IQCM: variants seen among roughly 807,000 people sequenced by gnomAD.
The protein encoded by IQCM is IQ motif containing M.
In IQCM, 45 loss-of-function variants were observed where a neutral mutation model predicts 57.6. The ratio of observed to expected loss-of-function variants is 0.78; its 90% CI spans 0.62 to 1.00. The LOEUF (loss-of-function observed/expected upper bound fraction) is 1.00. Among genes scored for constraint, IQCM ranks in the 50% least tolerant of loss-of-function variants. The pLI, the probability that IQCM is intolerant of heterozygous loss-of-function variation, is 0.00. For synonymous variants in IQCM, 148 were observed against 158.9 expected (o/e 0.93, Z 0.51); for missense variants, 468 against 511.6 (o/e 0.91, Z 0.82).
At chr4:149,552,158 T>A (rs1472782481) in intron 11 of IQCM, among the ~76,000 whole-genome samples, 2 of 152,178 alleles carry the variant, frequency 1.3e-5, no homozygotes, top group Non-Finnish European at 2.9e-5. Flanking sequence ...TAGCACATAA[T>A]TTTATCATAA....
At chr4:149,364,534 GGT>G (rs1729704818) in intron 13 of IQCM, among the ~76,000 whole-genome samples, 1 of 152,070 alleles carries the variant, frequency 6.6e-6, no homozygotes, top group African/African-American at 2.4e-5. Context: ...CTAAGGTCCA[GGT>G]GGCATGATTT....
intron 2 of IQCM, among the ~76,000 whole-genome samples, chr4:149,761,448 TATTG>T (rs1322831551): frequency 2.6e-5 from 4 of 152,102 alleles, no homozygotes; most frequent in Non-Finnish European, 2.9e-5. Context: ...CTTTCTCCAA[TATTG>T]ATTTTCTTTA....
At chr4:149,474,039 G>A (rs567003625) in intron 12 of IQCM, among the ~76,000 whole-genome samples, 10 of 152,008 alleles carry the variant, frequency 6.6e-5, no homozygotes, top group African/African-American at 2.2e-4. Flanking sequence ...ACAAGTTAAC[G>A]GGTGCAGCAC....
chr4:149,575,306 A>G (rs1409499191), intron 9 of IQCM, among the ~76,000 whole-genome samples: 1 of 151,820 alleles, frequency 6.6e-6, no homozygotes, highest in East Asian at 1.9e-4. Flanking sequence ...TTTTAAGGGG[A>G]GGGATGTAAT....
chr4:149,602,019 G>A (rs1273092038), intron 8 of IQCM, among the ~76,000 whole-genome samples: 5 of 135,076 alleles, frequency 3.7e-5, no homozygotes, highest in East Asian at 4.3e-4. Context: ...GTGCCACTGC[G>A]CTCCAGCCTG....
chr4:149,561,811 C>G lies in IQCM; in HGVS notation c.948+1881G>C, dbSNP rs17026310. Reference sequence around the variant, plus strand: ...GTCATATAAACCATACTGTCCATATCAAACATGTAAACAGATGACAACAAT... The same window carrying G: ...GTCATATAAACCATACTGTCCATATGAAACATGTAAACAGATGACAACAAT... On this transcript the variant is annotated intron_variant, in intron 10 of 13. Coordinates refer to ENST00000636793, the MANE Select transcript of IQCM (RefSeq NM_001363507.2). 8.7e-3 allele frequency among the ~76,000 whole-genome samples: 1,329 copies of G among 152,156 alleles called. 12 individuals carry two copies. The highest frequency in any genetic ancestry group is 0.03 in the African/African-American group (1,257 of 41,506).
chr4:149,730,413 T>A (rs1160005630), intron 5 of IQCM, among the ~76,000 whole-genome samples: 1 of 152,212 alleles, frequency 6.6e-6, no homozygotes, highest in Non-Finnish European at 1.5e-5. Flanking sequence ...ATATTATCAC[T>A]GCAACTTCTC....
chr4:149,760,554 G>A (rs1344009096), intron 2 of IQCM, among the ~76,000 whole-genome samples: 1 of 151,782 alleles, frequency 6.6e-6, no homozygotes, highest in South Asian at 2.1e-4. Context: ...ACTCACTAAG[G>A]GTCTGGTTTC....
At chr4:149,594,286 A>G (rs1209000603) in intron 8 of IQCM, among the ~76,000 whole-genome samples, 1 of 151,980 alleles carries the variant, frequency 6.6e-6, no homozygotes, top group Non-Finnish European at 1.5e-5. Flanking sequence ...CTGTATTTCT[A>G]TGGGATCAGT....
At chr4:149,645,209 A>G (rs1393729061) in intron 7 of IQCM, among the ~76,000 whole-genome samples, 1 of 152,124 alleles carries the variant, frequency 6.6e-6, no homozygotes, top group Non-Finnish European at 1.5e-5. Context: ...GGTTATATGT[A>G]TTACAATTTT....
At chr4:149,353,546 T>C (rs765363407) in intron 13 of IQCM, among the ~76,000 whole-genome samples, 9 of 152,170 alleles carry the variant, frequency 5.9e-5, no homozygotes, top group East Asian at 1.9e-4. Context: ...ATATATTTCA[T>C]TGGACAAATA....
chr4:149,523,134 A>G (rs966433315), intron 12 of IQCM, among the ~76,000 whole-genome samples: 1 of 152,150 alleles, frequency 6.6e-6, no homozygotes, highest in Non-Finnish European at 1.5e-5. Flanking sequence ...CTCACATGGC[A>G]GACAGCAGAG....
intron 12 of IQCM, among the ~76,000 whole-genome samples, chr4:149,498,554 G>A (rs950609211): frequency 6.6e-5 from 10 of 152,142 alleles, no homozygotes; most frequent in Non-Finnish European, 1.3e-4. Context: ...ATACCAAGGA[G>A]CAGGGCAGGA....
At chr4:149,582,569 A>T (rs772712617) in intron 9 of IQCM, among the ~76,000 whole-genome samples, 1 of 150,966 alleles carries the variant, frequency 6.6e-6, no homozygotes, top group Non-Finnish European at 1.5e-5. Flanking sequence ...TGGATTTTGC[A>T]AATAATGTCC....
intron 12 of IQCM, among the ~76,000 whole-genome samples, chr4:149,515,755 G>A (rs1744892170): frequency 6.6e-6 from 1 of 152,186 alleles, no homozygotes; most frequent in Admixed American, 6.5e-5. Context: ...TGATTCACGG[G>A]CTGTAGCCAA....
At chr4:149,641,941 A>C (rs900952486) in intron 7 of IQCM, among the ~76,000 whole-genome samples, 1 of 152,188 alleles carries the variant, frequency 6.6e-6, no homozygotes, top group Non-Finnish European at 1.5e-5. Flanking sequence ...GTATTCTAAA[A>C]ATTAGTTCAA....
At chr4:149,735,740 A>G (rs1428675421) in intron 3 of IQCM, among the ~76,000 whole-genome samples, 2 of 152,190 alleles carry the variant, frequency 1.3e-5, no homozygotes, top group Non-Finnish European at 2.9e-5. Flanking sequence ...TGTTTTGGGC[A>G]CAAAAGTTAT....
intron 12 of IQCM, chr4:149,514,636 T>A (rs956673791): frequency 1.3e-5 from 2 of 152,236 alleles, no homozygotes; most frequent in Non-Finnish European, 2.9e-5. Context: ...CTGCAGGTTG[T>A]TTTTCAGTCT....
chr4:149,731,596 A>G (rs878911264), intron 5 of IQCM, among the ~76,000 whole-genome samples: 1 of 152,156 alleles, frequency 6.6e-6, no homozygotes, highest in African/African-American at 2.4e-5. Context: ...CTTCATTTTC[A>G]TTACACATCA....
Sources: gnomAD v4.1 joint callset for allele counts (sites outside exome capture counted in the v4.1 genomes callset) on GRCh38, gnomAD v4.1.1 for gene constraint, MANE v1.5 for transcripts, NCBI Gene and HGNC (gene_info 2026-07-23, HGNC 2026-07-21) for gene names.